Variants in CPNE8 observed in about 807,000 individuals in gnomAD.
CPNE8 encodes the protein copine 8, also known as copine-8.
Under a neutral mutation model 81.5 loss-of-function variants are expected in CPNE8, and 45 were observed. The observed-to-expected ratio is 0.55, with a 90% confidence interval of 0.44 to 0.71. CPNE8 has a LOEUF of 0.71. Among genes scored for constraint, CPNE8 ranks in the 30% least tolerant of loss-of-function variants. The pLI is 0.00. For missense variants in CPNE8, 594 were observed against 672.1 expected (o/e 0.88, Z 1.28); for synonymous variants, 252 against 226.3 (o/e 1.11, Z -1.02).
chr12:38,687,771 G>T (rs570101050), intron 15 of CPNE8, among the ~76,000 whole-genome samples: 1 of 152,004 alleles, frequency 6.6e-6, no homozygotes, highest in East Asian at 1.9e-4. Context: ...GTGACAGAGG[G>T]ATTTATATCC....
chr12:38,662,222 G>C (rs976221488), intron 19 of CPNE8, among the ~76,000 whole-genome samples: 4 of 152,262 alleles, frequency 2.6e-5, no homozygotes, highest in African/African-American at 9.6e-5. Flanking sequence ...AGTTATTTCT[G>C]TTTGCAGCTG....
At chr12:38,749,943 C>G (rs1941315757) in intron 10 of CPNE8, among the ~76,000 whole-genome samples, 4 of 152,074 alleles carry the variant, frequency 2.6e-5, no homozygotes. Context: ...GAAAATGTTT[C>G]CAGGGCATAT....
rs550732088 is a variant in CPNE8 at position 38,764,650 on chromosome 12, T to C, written c.576-2434A>G. 1.7e-4 allele frequency among the ~76,000 whole-genome samples: 25 copies of C among 145,464 alleles called. 1 individual carries two copies. In the South Asian group the frequency reaches 5.5e-3, roughly 32 times the overall value. The stretch of plus-strand genomic sequence containing the variant: ...AAAAAAAAAAAAAAAGAAAAAGTCA[T>C]AGAAAACAAATTACAGAGGGAAGGC... On this transcript the variant is annotated intron_variant, in intron 8 of 19. Coordinates refer to ENST00000331366, the MANE Select transcript of CPNE8 (RefSeq NM_153634.3).
intron 15 of CPNE8, among the ~76,000 whole-genome samples, chr12:38,687,374 C>CTT (rs61259310): frequency 0.034 from 1,989 of 58,198 alleles, 26 homozygotes; most frequent in African/African-American, 0.04. Context: ...CCAAGACTTT[C>CTT]TTTTTTTTTT....
chr12:38,882,544 A>G (rs988065541), intron 1 of CPNE8, among the ~76,000 whole-genome samples: 2 of 152,202 alleles, frequency 1.3e-5, no homozygotes, highest in East Asian at 3.8e-4. Context: ...GAGTACAGCC[A>G]GTAACACTGT....
intron 1 of CPNE8, among the ~76,000 whole-genome samples, chr12:38,882,311 G>A (rs1311174377): frequency 6.6e-6 from 1 of 152,128 alleles, no homozygotes; most frequent in Non-Finnish European, 1.5e-5. Context: ...GAGTGATGCA[G>A]TCACAAGCCA....
intron 1 of CPNE8, among the ~76,000 whole-genome samples, chr12:38,904,277 T>C (rs1329901770): frequency 6.6e-6 from 1 of 151,674 alleles, no homozygotes; most frequent in Non-Finnish European, 1.5e-5. Context: ...AACAAGGGAG[T>C]GGGCTCCAGG....
chr12:38,740,744 T>G (rs1941079193), intron 10 of CPNE8, among the ~76,000 whole-genome samples: 1 of 152,188 alleles, frequency 6.6e-6, no homozygotes, highest in Non-Finnish European at 1.5e-5. Flanking sequence ...TGAAGCCCAC[T>G]TGATCATGGT....
At chr12:38,690,313 A>G (rs552704772) in intron 15 of CPNE8, among the ~76,000 whole-genome samples, 19 of 152,312 alleles carry the variant, frequency 1.2e-4, no homozygotes, top group Middle Eastern at 3.4e-3. Flanking sequence ...CTTAACACAG[A>G]ATACTTCAGC....
chr12:38,796,138 T>G (rs1942465687), intron 6 of CPNE8, among the ~76,000 whole-genome samples: 1 of 152,000 alleles, frequency 6.6e-6, no homozygotes. Flanking sequence ...ACATAAAAAA[T>G]TAGCCAGATG....
chr12:38,773,179 T>C (rs1246019951), intron 7 of CPNE8, among the ~76,000 whole-genome samples: 1 of 152,078 alleles, frequency 6.6e-6, no homozygotes, highest in Non-Finnish European at 1.5e-5. Context: ...CTGGAAGGTA[T>C]TATCAAGGAG....
At chr12:38,889,880 T>A (rs943246466) in intron 1 of CPNE8, among the ~76,000 whole-genome samples, 1 of 152,112 alleles carries the variant, frequency 6.6e-6, no homozygotes, top group East Asian at 1.9e-4. Flanking sequence ...ATTGGGGGCA[T>A]AGAGAAAATG....
chr12:38,775,174 G>A (rs1284148784), intron 7 of CPNE8, among the ~76,000 whole-genome samples: 1 of 152,056 alleles, frequency 6.6e-6, no homozygotes, highest in Non-Finnish European at 1.5e-5. Context: ...GCCCAGGCTG[G>A]AGTGCAGTGG....
At chr12:38,755,738 T>A (rs933206088) in intron 10 of CPNE8, among the ~76,000 whole-genome samples, 1 of 151,940 alleles carries the variant, frequency 6.6e-6, no homozygotes, top group Non-Finnish European at 1.5e-5. Context: ...TCAATGTGTT[T>A]CAATAAAAAG....
intron 5 of CPNE8, among the ~76,000 whole-genome samples, chr12:38,836,931 C>G (rs532659333): frequency 1.3e-5 from 2 of 152,244 alleles, no homozygotes; most frequent in East Asian, 3.9e-4. Context: ...TATAACAATT[C>G]AAAAACACAT....
intron 3 of CPNE8, among the ~76,000 whole-genome samples, chr12:38,855,102 A>G (rs1466737865): frequency 1.3e-5 from 2 of 152,102 alleles, no homozygotes; most frequent in Non-Finnish European, 2.9e-5. Flanking sequence ...TACACTAACA[A>G]CAAATTATCT....
intron 4 of CPNE8, among the ~76,000 whole-genome samples, chr12:38,847,820 C>G (rs1592135516): frequency 6.6e-6 from 1 of 152,028 alleles, no homozygotes; most frequent in Admixed American, 6.6e-5. Context: ...TATGGTACAT[C>G]AGAATTTTCA....
At position 38,652,302 on chromosome 12, in the gene CPNE8, G is replaced by A. The variant is rs1938717842; in HGVS notation, c.*1580C>T. The A allele has an allele frequency of 6.6e-6, 1 of 152,270 alleles. No homozygotes were observed. The highest frequency in any genetic ancestry group is 1.5e-5 in the Non-Finnish European group (1 of 67,996). 9.4% of individuals were successfully genotyped at this position (152,270 alleles called of 1,614,324 possible). On this transcript the variant is annotated 3_prime_UTR_variant, in exon 20 of 20. Coordinates refer to ENST00000331366, the MANE Select transcript of CPNE8 (RefSeq NM_153634.3). The stretch of plus-strand genomic sequence containing the variant: ...GTAGTGGCATAAATATTTAAGATCA[G>A]TAAAGGAAATCATCAAACTATTGTC...
intron 6 of CPNE8, among the ~76,000 whole-genome samples, chr12:38,802,722 G>T (rs1234953263): frequency 1.3e-5 from 2 of 151,468 alleles, no homozygotes; most frequent in African/African-American, 4.9e-5. Flanking sequence ...CCAGGAGCTG[G>T]TTTTTTGAAA....
Sources: allele counts gnomAD v4.1 joint callset (sites outside exome capture counted in the v4.1 genomes callset), GRCh38; gene constraint gnomAD v4.1.1; transcripts MANE v1.5; gene names NCBI Gene and HGNC (gene_info 2026-07-23, HGNC 2026-07-21).